Variants in PCBD1 observed in about 807,000 individuals in gnomAD.
The protein encoded by PCBD1 is pterin-4 alpha-carbinolamine dehydratase 1.
PCBD1 carries 16 observed loss-of-function variants against 12.6 expected under a neutral mutation model. The ratio of observed to expected loss-of-function variants is 1.27; its 90% confidence interval spans 0.86 to 1.93. The LOEUF (loss-of-function observed/expected upper bound fraction) is 1.93, where lower values mean the gene tolerates loss of function less well. Among genes scored for constraint, PCBD1 ranks in the 30% most tolerant of loss-of-function variants. The pLI is 0.00. For synonymous variants in PCBD1, 53 were observed against 50.2 expected (o/e 1.05, Z -0.23); for missense variants, 86 against 130.1 (o/e 0.66, Z 1.65).
chr10:70,884,478 ATT>A (rs71012255), intron 3 of PCBD1, among the ~76,000 whole-genome samples: 1 of 108,466 alleles, frequency 9.2e-6, no homozygotes. Flanking sequence ...ATGTGTCTGT[ATT>A]TTTTTTTTTT....
chr10:70,885,443 T>C lies in PCBD1; in HGVS notation c.136-211A>G, dbSNP rs827242. ...GAAGAAAGTCTTGCTATTTAGGATGTCAACAAGGTGGAAACACCACAACAG... is the reference window on the plus strand; with the variant it reads ...GAAGAAAGTCTTGCTATTTAGGATGCCAACAAGGTGGAAACACCACAACAG... On this transcript the variant is annotated intron_variant, in intron 2 of 3. Coordinates refer to ENST00000299299, the MANE Select transcript of PCBD1 (RefSeq NM_000281.4). Among the ~76,000 whole-genome samples the C allele has an allele frequency of 0.99, 150,320 of 152,366 alleles. 74,186 individuals carry two copies. Among genetic ancestry groups the C allele is most frequent in the Middle Eastern group, 1 (294 of 294 alleles).
At chr10:70,886,462 A>C (rs1846585904) in intron 1 of PCBD1, among the ~76,000 whole-genome samples, 1 of 152,198 alleles carries the variant, frequency 6.6e-6, no homozygotes, top group Non-Finnish European at 1.5e-5. Context: ...TAGAGAGGGG[A>C]AACGACTTGT....
downstream of PCBD1, among the ~76,000 whole-genome samples, chr10:70,882,955 C>T (rs1464113256): frequency 3.0e-5 from 4 of 131,936 alleles, no homozygotes; most frequent in African/African-American, 1.0e-4. Flanking sequence ...ATGAGTATTT[C>T]CTTTGGGCAT....
Position 70,888,522 on chromosome 10 carries a change from T to C in PCBD1, c.3+9A>G, listed in dbSNP as rs1234131524. Reference sequence around the variant, plus strand: ...TGCCCCGATCGCGGCCGCGCACCCCTGGACTCACCATGGCGCGGGCGGCAG... The same window carrying C: ...TGCCCCGATCGCGGCCGCGCACCCCCGGACTCACCATGGCGCGGGCGGCAG... On this transcript the variant is annotated intron_variant, in intron 1 of 3. Coordinates refer to ENST00000299299, the MANE Select transcript of PCBD1 (RefSeq NM_000281.4). 1.5e-6 allele frequency: 2 copies of C among 1,318,732 alleles called. No homozygotes were observed. Among genetic ancestry groups the C allele is most frequent in the Non-Finnish European group, 9.7e-7 (1 of 1,032,446 alleles). 81.7% of individuals were successfully genotyped at this position (1,318,732 alleles called of 1,614,324 possible). A position where few individuals can be genotyped will look rare whatever the true frequency, so the allele number is the denominator to read the frequency against.
intron 3 of PCBD1, 22 bp downstream of exon 3, chr10:70,885,129 CA>C: frequency 6.2e-7 from 1 of 1,600,772 alleles, no homozygotes. Context: ...CAGAGCACAA[CA>C]GAGGCACACA....
chr10:70,886,192 A>T (rs1035625353), intron 1 of PCBD1, among the ~76,000 whole-genome samples: 1 of 152,118 alleles, frequency 6.6e-6, no homozygotes, highest in Non-Finnish European at 1.5e-5. Flanking sequence ...TCACAAAAGC[A>T]ATGTAATTCA....
rs569134404 is a variant in PCBD1, at chr10:70,888,374, G to T, written c.3+157C>A. On this transcript the variant is annotated intron_variant, in intron 1 of 3. Transcript: ENST00000299299. ...AGGGCTTCAGCTTCCCCTCCCCGCC[G>T]CCAGCGACAGAGAGCCGGGCAGAGA... 1.3e-5 allele frequency: 10 copies of T among 757,318 alleles called. No individual in the cohort carries two copies. In the African/African-American group the frequency reaches 1.5e-4, roughly 11 times the overall value. 46.9% of individuals were successfully genotyped at this position (757,318 alleles called of 1,614,324 possible). A position where few individuals can be genotyped will look rare whatever the true frequency, so the allele number is the denominator to read the frequency against.
At chr10:70,888,448 CCCCCGCCCCTT>C in intron 1 of PCBD1, 72 bp downstream of exon 1, 1 of 1,420,332 alleles carries the variant, frequency 7.0e-7, no homozygotes, top group Non-Finnish European at 9.3e-7. Flanking sequence ...AAAAGACTTT[CCCCCGCCCCTT>C]CCCGCTCCCA....
At chr10:70,885,606 TC>T (rs1353392254) in intron 2 of PCBD1, among the ~76,000 whole-genome samples, 191 bp downstream of exon 2, 2 of 152,204 alleles carry the variant, frequency 1.3e-5, no homozygotes, top group Non-Finnish European at 1.5e-5. Flanking sequence ...CCTATGGCTC[TC>T]CAATCCCCAA....
Position 70,887,618 on chromosome 10 carries a change from CT to C in PCBD1, c.3+912del, listed in dbSNP as rs559618321. On this transcript the variant is annotated intron_variant, in intron 1 of 3. Coordinates refer to ENST00000299299, the MANE Select transcript of PCBD1 (RefSeq NM_000281.4). ...GGAGGCTTCCCTTTCTCGGTAGAGC[CT>C]TCTGGAACCCCCCAGGTCGCACAGC... Among the ~76,000 whole-genome samples the C allele has an allele frequency of 2.3e-4, 35 of 152,296 alleles. No homozygotes were observed. In the South Asian group the frequency reaches 6.8e-3, roughly 30 times the overall value.
chr10:70,885,039 T>C, intron 3 of PCBD1, 113 bp downstream of exon 3: 1 of 833,578 alleles, frequency 1.2e-6, no homozygotes, highest in South Asian at 1.4e-5. Flanking sequence ...GATGAGTGGA[T>C]GACCTATGGG....
chr10:70,888,413 C>T (rs760029137), intron 1 of PCBD1, 118 bp downstream of exon 1: 40 of 1,196,018 alleles, frequency 3.3e-5, no homozygotes, highest in Admixed American at 6.8e-5. Flanking sequence ...CACTTTCGGA[C>T]CCCGGCGGCT....
downstream of PCBD1, among the ~76,000 whole-genome samples, chr10:70,882,771 T>C (rs146628256): frequency 1.9e-3 from 293 of 152,282 alleles, 1 homozygote; most frequent in African/African-American, 6.5e-3. Context: ...CATGGCCCAA[T>C]CAAGTTGACA....
intron 1 of PCBD1, among the ~76,000 whole-genome samples, chr10:70,886,220 A>G (rs1315924355): frequency 6.6e-6 from 1 of 152,174 alleles, no homozygotes; most frequent in East Asian, 1.9e-4. Context: ...GGGACAGAGA[A>G]GCACTCTTCC....
chr10:70,886,593 C>T (rs1476982130), intron 1 of PCBD1, among the ~76,000 whole-genome samples: 1 of 152,232 alleles, frequency 6.6e-6, no homozygotes, highest in Non-Finnish European at 1.5e-5. Context: ...TTCTTAGCCA[C>T]ACTGCAGCTG....
intron 2 of PCBD1, 118 bp downstream of exon 2, chr10:70,885,680 C>T: frequency 7.8e-7 from 1 of 1,284,586 alleles, no homozygotes. Flanking sequence ...GCCCAAATAA[C>T]TGGATGAGTG....
At chr10:70,884,717 C>T (rs1027481151) in intron 3 of PCBD1, among the ~76,000 whole-genome samples, 8 of 152,154 alleles carry the variant, frequency 5.3e-5, no homozygotes, top group South Asian at 2.1e-4. Context: ...CTCCTGACCT[C>T]GTGATCTGCC....
chr10:70,888,447 TC>T, intron 1 of PCBD1, 83 bp downstream of exon 1: 4 of 1,410,498 alleles, frequency 2.8e-6, no homozygotes, highest in Non-Finnish European at 3.7e-6. Context: ...GAAAAGACTT[TC>T]CCCCGCCCCT....
intron 1 of PCBD1, 112 bp from the exon 2 acceptor site, chr10:70,886,041 T>A: frequency 2.2e-6 from 3 of 1,384,926 alleles, no homozygotes; most frequent in Non-Finnish European, 3.0e-6. Flanking sequence ...TGGACGTGGG[T>A]GACCAAAGGG....
Sources: allele counts gnomAD v4.1 joint callset (sites outside exome capture counted in the v4.1 genomes callset), GRCh38; gene constraint gnomAD v4.1.1; transcripts MANE v1.5; gene names NCBI Gene and HGNC (gene_info 2026-07-23, HGNC 2026-07-21).